Variants in SRGAP3 observed in about 807,000 individuals in gnomAD.
The protein encoded by SRGAP3 is SLIT-ROBO Rho GTPase-activating protein 3.
In SRGAP3, 39 loss-of-function variants were observed where a neutral mutation model predicts 121.1. The ratio of observed to expected loss-of-function variants is 0.32; its 90% CI spans 0.25 to 0.42. The LOEUF (loss-of-function observed/expected upper bound fraction) is 0.42, where lower values mean the gene tolerates loss of function less well. SRGAP3 is among the 10% of genes least tolerant of loss of function. The pLI is 1.00. For missense variants in SRGAP3, 1,213 were observed against 1,470.6 expected, an observed-to-expected ratio of 0.82 and a Z score of 2.86; for synonymous variants, 601 against 570.0, an observed-to-expected ratio of 1.05 and a Z score of -0.77.
intron 1 of SRGAP3, among the ~76,000 whole-genome samples, chr3:9,204,588 C>T (rs966289693): frequency 6.6e-6 from 1 of 152,096 alleles, no homozygotes; most frequent in African/African-American, 2.4e-5. Flanking sequence ...AAATTCTTTT[C>T]TCCTCTGCCC....
At chr3:8,989,730 C>T (rs1256314370) in intron 21 of SRGAP3, among the ~76,000 whole-genome samples, 6 of 152,224 alleles carry the variant, frequency 3.9e-5, no homozygotes, top group Non-Finnish European at 7.3e-5. Flanking sequence ...AATCACAGTT[C>T]TATTCATTTG....
chr3:9,248,852 G>A lies in SRGAP3; in HGVS notation c.67+33C>T. On this transcript the variant is annotated intron_variant, in intron 1 of 21. Transcript: ENST00000383836. ...AGAACAAGAGAAAAACGAAAGGGGA[G>A]GAGAAGGAAAACTCTCCCAGCCCGC... 3 of 1,609,268 alleles carry A rather than the reference G, an allele frequency of 1.9e-6. No individual in the cohort carries two copies. In the South Asian group the frequency reaches 3.3e-5, roughly 18 times the overall value.
intron 3 of SRGAP3, among the ~76,000 whole-genome samples, chr3:9,284,648 G>C (rs562032697): frequency 1.3e-5 from 2 of 152,154 alleles, no homozygotes; most frequent in African/African-American, 4.8e-5. Flanking sequence ...TGAACAACGT[G>C]ATAAAATCCC....
At chr3:9,349,995 C>T (rs2030016587) in intron 1 of SRGAP3, 1 of 152,052 alleles carries the variant, frequency 6.6e-6, no homozygotes, top group Non-Finnish European at 1.5e-5. Context: ...GGCCCTGACA[C>T]ATGGGCCCAG....
At chr3:9,175,722 C>A (rs1243858030) in intron 1 of SRGAP3, among the ~76,000 whole-genome samples, 2 of 152,222 alleles carry the variant, frequency 1.3e-5, no homozygotes, top group South Asian at 4.1e-4. Context: ...CTGTTCTAGA[C>A]CATCAACGGA....
intron 10 of SRGAP3, among the ~76,000 whole-genome samples, chr3:9,039,876 C>T (rs559449873): frequency 6.6e-6 from 1 of 152,330 alleles, no homozygotes; most frequent in African/African-American, 2.4e-5. Flanking sequence ...TCTTTATCCA[C>T]TCAACACAAA....
At chr3:8,996,646 A>G (rs1306318855) in intron 18 of SRGAP3, among the ~76,000 whole-genome samples, 1 of 151,886 alleles carries the variant, frequency 6.6e-6, no homozygotes, top group East Asian at 1.9e-4. Flanking sequence ...ATTCTCAGTA[A>G]AACAAACAGA....
At chr3:9,061,839 A>T (rs1946188103) in intron 5 of SRGAP3, among the ~76,000 whole-genome samples, 1 of 152,208 alleles carries the variant, frequency 6.6e-6, no homozygotes, top group Non-Finnish European at 1.5e-5. Flanking sequence ...TGGCTAAGCC[A>T]GCCTGGGAAT....
Position 9,064,433 on chromosome 3 carries a change from C to A in SRGAP3, c.635G>T (p.Arg212Leu). The A allele has an allele frequency of 6.2e-7, 1 of 1,614,240 alleles. No homozygotes were observed. The highest frequency in any genetic ancestry group is 8.5e-7 in the Non-Finnish European group (1 of 1,180,040). ...CTTCTCAATCTTCTTCACAGAGCTG[C>A]GGCGCTGGGGCCGGTCCTCGTGCCG... Reference protein sequence around the residue: ...LLRHEDRPQRRSSVKKIEKMK... With the variant: ...LLRHEDRPQRLSSVKKIEKMK... The change falls in exon 5 of 22, where the codon CGC becomes CTC. Residue 212 changes from arginine (R) to leucine (L), a missense_variant. Arg to Leu is a moderately radical substitution (Grantham distance 102, BLOSUM62 -2). Coordinates refer to ENST00000383836, the MANE Select transcript of SRGAP3 (RefSeq NM_014850.4).
At chr3:9,124,608 G>A in intron 2 of SRGAP3, 117 bp downstream of exon 2, 1 of 1,367,610 alleles carries the variant, frequency 7.3e-7, no homozygotes, top group Non-Finnish European at 1.0e-6. Context: ...CCAGGGCCCT[G>A]AAGGCACACC....
chr3:9,362,669 G>A (rs2030958862), intron 1 of SRGAP3, among the ~76,000 whole-genome samples: 1 of 152,034 alleles, frequency 6.6e-6, no homozygotes. Context: ...AAATAGTGAT[G>A]GCAATACAGA....
intron 4 of SRGAP3, among the ~76,000 whole-genome samples, chr3:9,072,579 G>C (rs910838563): frequency 6.6e-6 from 1 of 152,196 alleles, no homozygotes; most frequent in African/African-American, 2.4e-5. Context: ...GAGCTGCCCT[G>C]CCCTAAGTCT....
intron 1 of SRGAP3, among the ~76,000 whole-genome samples, chr3:9,362,250 C>G (rs2030913070): frequency 3.0e-5 from 1 of 33,226 alleles, no homozygotes; most frequent in Non-Finnish European, 5.5e-5. Flanking sequence ...TCTGCAACCT[C>G]TGCCTCCTGG....
intron 2 of SRGAP3, among the ~76,000 whole-genome samples, chr3:9,116,975 T>C (rs774112423): frequency 6.6e-6 from 1 of 152,186 alleles, no homozygotes; most frequent in African/African-American, 2.4e-5. Flanking sequence ...GTGATGTGGA[T>C]GTGTGGGGTG....
At chr3:9,159,186 C>T (rs12630153) in intron 1 of SRGAP3, among the ~76,000 whole-genome samples, 21,646 of 152,052 alleles carry the variant, frequency 0.14, 1,985 homozygotes, top group East Asian at 0.31. Context: ...AGAACCCTCC[C>T]CACCACCCAC....
intron 1 of SRGAP3, among the ~76,000 whole-genome samples, chr3:9,331,184 C>T (rs1261211511): frequency 1.3e-5 from 2 of 152,094 alleles, no homozygotes; most frequent in East Asian, 3.8e-4. Context: ...ACACAAATAG[C>T]TAAGAATTTA....
intron 2 of SRGAP3, among the ~76,000 whole-genome samples, chr3:9,120,037 TC>T: frequency 6.6e-6 from 1 of 152,356 alleles, no homozygotes; most frequent in Non-Finnish European, 1.5e-5. Flanking sequence ...ATCAGAATAC[TC>T]CATAGTGTAT....
chr3:9,096,379 T>G (rs1947966781), intron 3 of SRGAP3, among the ~76,000 whole-genome samples: 1 of 152,228 alleles, frequency 6.6e-6, no homozygotes, highest in Non-Finnish European at 1.5e-5. Context: ...TTCTAATGTA[T>G]GCATTTCAAT....
chr3:9,286,986 CTTTTTT>C (rs36096507), intron 3 of SRGAP3, among the ~76,000 whole-genome samples: 5 of 79,092 alleles, frequency 6.3e-5, no homozygotes, highest in South Asian at 5.3e-4. Flanking sequence ...CACTGACACT[CTTTTTT>C]TTTTTTTTTT....
Sources: allele counts gnomAD v4.1 joint callset (sites outside exome capture counted in the v4.1 genomes callset), GRCh38; gene constraint gnomAD v4.1.1; transcripts MANE v1.5; gene names NCBI Gene and HGNC (gene_info 2026-07-23, HGNC 2026-07-21).